Variants in CAPN1 observed in about 807,000 individuals in gnomAD.
CAPN1 encodes the protein calpain 1.
Under a neutral mutation model 105.2 loss-of-function variants are expected in CAPN1, and 77 were observed. The observed-to-expected ratio is 0.73, with a 90% CI of 0.61 to 0.88. CAPN1 has a LOEUF of 0.88. Ranked by LOEUF, CAPN1 falls within the 40% of genes least tolerant of loss-of-function variation. CAPN1 has a pLI of 0.00. For synonymous variants in CAPN1, 355 were observed against 388.8 expected, an observed-to-expected ratio of 0.91 and a Z score of 1.02; for missense variants, 833 against 976.6, an observed-to-expected ratio of 0.85 and a Z score of 1.96.
In CAPN1 at chr11:65,210,117, G is replaced by T. The variant is rs1949023359; in HGVS notation, c.1942+21G>T. The T allele has an allele frequency of 6.3e-7, 1 of 1,599,488 alleles. No homozygotes were observed. The highest frequency in any genetic ancestry group is 1.7e-5 in the Admixed American group (1 of 59,902). Reference sequence around the variant, plus strand: ...GGCAGGTGAGACTCCAAGGCTGACGGCACCTGTGGGGCCCAGGACAGGTAG... The same window carrying T: ...GGCAGGTGAGACTCCAAGGCTGACGTCACCTGTGGGGCCCAGGACAGGTAG... On this transcript the variant is annotated intron_variant, in intron 19 of 21. Transcript: ENST00000279247. This position sits in a 1 kb window ranked among gnomAD's most constrained non-coding sequence, Gnocchi z 4.3.
intron 2 of CAPN1, 34 bp downstream of exon 2, chr11:65,183,002 A>T: frequency 6.2e-7 from 1 of 1,612,322 alleles, no homozygotes; most frequent in Non-Finnish European, 8.5e-7. Flanking sequence ...GACTCGGCTA[A>T]GCCAGATCCT....
At chr11:65,190,902 G>A (rs1309688059) in intron 10 of CAPN1, among the ~76,000 whole-genome samples, 2 of 151,970 alleles carry the variant, frequency 1.3e-5, no homozygotes, top group Admixed American at 6.6e-5. Context: ...TAGTAGAGAC[G>A]GGGTTTCACC....
At chr11:65,194,427 G>A (rs1948763548) in intron 10 of CAPN1, among the ~76,000 whole-genome samples, 2 of 152,026 alleles carry the variant, frequency 1.3e-5, no homozygotes, top group South Asian at 2.1e-4. Flanking sequence ...TTTGAAAATC[G>A]TGAATGAGTA....
Position 65,205,890 on chromosome 11 carries a change from T to C in CAPN1, c.1353+169T>C, listed in dbSNP as rs1161603551. ...TCAGTGGGCAGAGCAAACATTGCTC[T>C]CCTGAGGGTCAGCACAGGTAGTCAG... On this transcript the variant is annotated intron_variant, in intron 12 of 21. Coordinates refer to ENST00000279247, the MANE Select transcript of CAPN1 (RefSeq NM_005186.4). The C allele has an allele frequency of 1.4e-5, 9 of 664,966 alleles. No individual in the cohort carries two copies. The East Asian group carries it at 2.4e-4, about 17-fold the overall frequency. 41.2% of individuals were successfully genotyped at this position (664,966 alleles called of 1,614,324 possible). A position where few individuals can be genotyped will look rare whatever the true frequency, so the allele number is the denominator to read the frequency against.
intron 3 of CAPN1, 48 bp downstream of exon 3, chr11:65,183,245 C>A (rs1487664158): frequency 3.9e-6 from 6 of 1,542,726 alleles, no homozygotes; most frequent in Non-Finnish European, 5.4e-6. Flanking sequence ...CACAGTAGTT[C>A]CCCATTCCCG....
chr11:65,206,367 G>A, intron 12 of CAPN1, 96 bp from the exon 13 acceptor site: 2 of 937,868 alleles, frequency 2.1e-6, no homozygotes, highest in Non-Finnish European at 1.7e-6. Context: ...CAGCCCCTTG[G>A]CCAGGACAAG....
At chr11:65,190,257 C>T (rs1948699675) in intron 10 of CAPN1, among the ~76,000 whole-genome samples, 2 of 152,192 alleles carry the variant, frequency 1.3e-5, no homozygotes, top group South Asian at 4.1e-4. Context: ...CTCACTTCTG[C>T]TTCATTGCTT....
rs561333631 is a variant in CAPN1, at chr11:65,204,644, C to T, written c.1166-39C>T. On this transcript the variant is annotated intron_variant, in intron 10 of 21. Coordinates refer to ENST00000279247, the MANE Select transcript of CAPN1 (RefSeq NM_005186.4). ...GCTTGGGGGCCAATTGGCTCTGCCC[C>T]GCCCTGCCTCTGATCCCCGCCTCCT... 5.7e-6 allele frequency: 9 copies of T among 1,591,690 alleles called. No homozygotes were observed. The Admixed American group carries it at 1.0e-4, about 18-fold the overall frequency.
At chr11:65,187,426 C>T in intron 7 of CAPN1, 128 bp downstream of exon 7, 1 of 667,326 alleles carries the variant, frequency 1.5e-6, no homozygotes, top group Admixed American at 2.4e-5. Context: ...AGCACCTTAT[C>T]TCTCTTCTGG....
chr11:65,187,937 A>G lies in CAPN1; in HGVS notation c.844-18A>G, dbSNP rs759082227. Reference sequence around the variant, plus strand: ...GTGCCTGCTGGAAGCTAGCACTGACAGGAGCTCTGGCAAATAGGTGAACTA... The same window carrying G: ...GTGCCTGCTGGAAGCTAGCACTGACGGGAGCTCTGGCAAATAGGTGAACTA... On this transcript the variant is annotated intron_variant, in intron 7 of 21. Coordinates refer to ENST00000279247, the MANE Select transcript of CAPN1 (RefSeq NM_005186.4). The G allele has an allele frequency of 1.3e-6, 2 of 1,538,332 alleles. No homozygotes were observed. Among genetic ancestry groups the G allele is most frequent in the Admixed American group, 2.0e-5 (1 of 51,084 alleles).
In CAPN1 at chr11:65,209,393, C is replaced by A; in HGVS notation, c.1794+6C>A. ...GCATGGTGAACCTCATGGATGTATCCTTCCGTTTGCTTTTGTCTCCTGAGT... is the reference window on the plus strand; with the variant it reads ...GCATGGTGAACCTCATGGATGTATCATTCCGTTTGCTTTTGTCTCCTGAGT... On this transcript the variant is annotated splice_donor_region_variant and intron_variant, in intron 17 of 21. Coordinates refer to ENST00000279247, the MANE Select transcript of CAPN1 (RefSeq NM_005186.4). The surrounding 1 kb of genome is among the most constrained non-coding windows in gnomAD (Gnocchi z 4.1). The A allele has an allele frequency of 6.2e-7, 1 of 1,612,480 alleles. No homozygotes were observed. Among genetic ancestry groups the A allele is most frequent in the Non-Finnish European group, 8.5e-7 (1 of 1,178,942 alleles).
At chr11:65,201,366 C>A (rs1948866599) in intron 10 of CAPN1, among the ~76,000 whole-genome samples, 1 of 152,140 alleles carries the variant, frequency 6.6e-6, no homozygotes, top group South Asian at 2.1e-4. Flanking sequence ...GGATTACAGT[C>A]CATCAGCCAC....
At chr11:65,200,645 C>A (rs1948855057) in intron 10 of CAPN1, among the ~76,000 whole-genome samples, 1 of 151,956 alleles carries the variant, frequency 6.6e-6, no homozygotes. Flanking sequence ...GCCCGGCCGC[C>A]TTGTTCTTTT....
chr11:65,201,009 A>G (rs141591356), intron 10 of CAPN1, among the ~76,000 whole-genome samples: 1,458 of 136,662 alleles, frequency 0.011, 22 homozygotes, highest in African/African-American at 0.038. Context: ...CAGTGGCGCA[A>G]TCTCAGCTCA....
Position 65,211,262 on chromosome 11 carries a change from G to A in CAPN1, c.2121G>A (p.Trp707Ter). 1 of 1,612,816 alleles carries A rather than the reference G, an allele frequency of 6.2e-7. No individual in the cohort carries two copies. Among genetic ancestry groups the A allele is most frequent in the Non-Finnish European group, 8.5e-7 (1 of 1,179,792 alleles). The change falls in exon 22 of 22, where the codon TGG becomes TGA. Residue 707 changes from tryptophan (W) to a stop codon, truncating the protein, a stop_gained and splice_region_variant. Transcript: ENST00000279247. LOFTEE classifies it high-confidence loss of function. ...CTGACCTGCCTGTTCTCCCGCAGTG[G>A]TTGCAGCTGACCATGTTTGCATGAG... ...DGVVTFDLFK[W>*]LQLTMFA is the part of the protein sequence containing the mutation.
intron 10 of CAPN1, among the ~76,000 whole-genome samples, chr11:65,197,818 G>A (rs1434639007): frequency 6.6e-6 from 1 of 150,576 alleles, no homozygotes; most frequent in Non-Finnish European, 1.5e-5. Context: ...AACCTGGGAG[G>A]TGGAGGTTGC....
rs1565403828 is a variant in CAPN1, at chr11:65,195,100, G to GGTT, written c.1165+6354_1165+6355insGTT. Reference sequence around the variant, plus strand: ...AGTGGTATCACTGAAGTTTTTTGGGGTTTTTTTTTTTTTTTTTTTTTTTTT... The same window carrying GGTT: ...AGTGGTATCACTGAAGTTTTTTGGGGGTTTTTTTTTTTTTTTTTTTTTTTTTTT... On this transcript the variant is annotated intron_variant, in intron 10 of 21. Coordinates refer to ENST00000279247, the MANE Select transcript of CAPN1 (RefSeq NM_005186.4). Among the ~76,000 whole-genome samples, 61 of 90,886 alleles carry GGTT rather than the reference G, an allele frequency of 6.7e-4. 1 individual carries two copies. Among genetic ancestry groups the GGTT allele is most frequent in the South Asian group, 1.3e-3 (3 of 2,392 alleles). The allele number at this position is 90,886 out of a possible 152,430, so 59.6% of individuals were successfully genotyped here. A position where few individuals can be genotyped will look rare whatever the true frequency, so the allele number is the denominator to read the frequency against.
intron 11 of CAPN1, among the ~76,000 whole-genome samples, chr11:65,205,182 G>A (rs976118869): frequency 6.6e-5 from 10 of 152,080 alleles, no homozygotes; most frequent in African/African-American, 2.2e-4. Context: ...TGAGCCCTCC[G>A]TCTTGGAAGC....
At chr11:65,193,962 A>ATTTTTTTTTTTTTTTTTT (rs60784154) in intron 10 of CAPN1, among the ~76,000 whole-genome samples, 1 of 76,206 alleles carries the variant, frequency 1.3e-5, no homozygotes, top group Non-Finnish European at 2.5e-5. Flanking sequence ...CTTTGGATTG[A>ATTTTTTTTTTTTTTTTTT]TTTTTTTTTT....
Sources: allele counts gnomAD v4.1 joint callset (sites outside exome capture counted in the v4.1 genomes callset), GRCh38; gene constraint gnomAD v4.1.1; non-coding constraint Gnocchi (gnomAD v3.1); transcripts MANE v1.5; gene names NCBI Gene and HGNC (gene_info 2026-07-23, HGNC 2026-07-21).